The following TUBGCP5 variants were observed in gnomAD, a reference collection of about 807,000 sequenced individuals.
TUBGCP5 encodes the protein tubulin gamma complex component 5.
A neutral mutation model predicts 134.7 loss-of-function variants in TUBGCP5; 98 were observed. That is an observed-to-expected ratio of 0.73 (90% CI 0.62 to 0.86). TUBGCP5 has a LOEUF of 0.86. Ranked by LOEUF, TUBGCP5 falls within the 40% of genes least tolerant of loss-of-function variation. The probability of loss-of-function intolerance (pLI) is 0.00; values close to 1 mark genes in which losing one functional copy is unlikely to be tolerated. For missense variants in TUBGCP5, 1,150 were observed against 1,244.8 expected, an observed-to-expected ratio of 0.92 and a Z score of 1.15; for synonymous variants, 456 against 431.4, an observed-to-expected ratio of 1.06 and a Z score of -0.71.
At chr15:23,035,551 G>T (rs1188422268) in intron 3 of TUBGCP5, among the ~76,000 whole-genome samples, 2 of 152,062 alleles carry the variant, frequency 1.3e-5, no homozygotes, top group African/African-American at 4.8e-5. Context: ...TCACAATGGG[G>T]TTTGCTCTCC....
intron 23 of TUBGCP5, among the ~76,000 whole-genome samples, chr15:22,992,297 A>G (rs936277740): frequency 1.1e-4 from 16 of 152,084 alleles, no homozygotes; most frequent in African/African-American, 3.9e-4. Context: ...AGCAGCAAGA[A>G]CTGACGCAGG....
intron 6 of TUBGCP5, among the ~76,000 whole-genome samples, chr15:23,029,788 G>A (rs2066199058): frequency 6.6e-6 from 1 of 152,052 alleles, no homozygotes; most frequent in Admixed American, 6.5e-5. Flanking sequence ...AACTGAGGCA[G>A]GAGAATTGTT....
Position 23,027,210 on chromosome 15 carries a change from G to C in TUBGCP5, c.719C>G (p.Ser240Cys). Reference protein sequence around the residue: ...SQFPHSLHLHSNLAAVWDQHL... With the variant: ...SQFPHSLHLHCNLAAVWDQHL... The stretch of plus-strand genomic sequence containing the variant: ...TTCTTACCAGACAGCAGCTAAATTA[G>C]AGTGCAAATGTAAACTATGAGGAAA... The change falls in exon 7 of 23, where the codon TCT becomes TGT. Residue 240 changes from serine to cysteine, a missense_variant. Ser to Cys is a moderately radical substitution (Grantham distance 112). This residue lies in a region of TUBGCP5 where 453 missense variants were observed against 394.7 expected (regional missense o/e 1.15). Transcript: ENST00000615383. 6.2e-7 allele frequency: 1 copy of C among 1,613,080 alleles called. No homozygotes were observed. The highest frequency in any genetic ancestry group is 8.5e-7 in the Non-Finnish European group (1 of 1,179,410).
rs919539969 is a variant in TUBGCP5 at position 23,036,754 on chromosome 15, T to C, written c.309+143A>G. On this transcript the variant is annotated intron_variant, in intron 3 of 22. Coordinates refer to ENST00000615383, the MANE Select transcript of TUBGCP5 (RefSeq NM_052903.6). ...TGAGGCATATCTGGTTTGATGGCAA[T>C]ATTTAAGTAAATTTCCAAGAGATCC... 6 of 659,696 alleles carry C rather than the reference T, an allele frequency of 9.1e-6. 1 individual carries two copies. Among genetic ancestry groups the C allele is most frequent in the African/African-American group, 1.8e-5 (1 of 54,758 alleles). 40.9% of individuals were successfully genotyped at this position (659,696 alleles called of 1,614,324 possible).
At chr15:23,005,265 C>G (rs2064634391) in intron 19 of TUBGCP5, among the ~76,000 whole-genome samples, 167 bp downstream of exon 19, 1 of 152,186 alleles carries the variant, frequency 6.6e-6, no homozygotes, top group Admixed American at 6.5e-5. Context: ...GGTATATTTA[C>G]AAAAACATTC....
Position 22,993,525 on chromosome 15 carries a change from GTTTTTTTTTTTT to G in TUBGCP5, c.*61+3308_*61+3319del, listed in dbSNP as rs71414252. Reference sequence around the variant, plus strand: ...TAATCCTCCCACCTCAGCCCCCGAAGTTTTTTTTTTTTTTTTTTTTTTTTTTTTTTTTAATAT... The same window carrying G: ...TAATCCTCCCACCTCAGCCCCCGAAGTTTTTTTTTTTTTTTTTTTTAATAT... On this transcript the variant is annotated intron_variant and NMD_transcript_variant, in intron 23 of 23. Coordinates refer to the TUBGCP5 transcript ENST00000614508. Among the ~76,000 whole-genome samples, 114 of 69,274 alleles carry G rather than the reference GTTTTTTTTTTTT, an allele frequency of 1.6e-3. 1 individual carries two copies. The highest frequency in any genetic ancestry group is 2.0e-3 in the South Asian group (4 of 2,024). The allele number at this position is 69,274 out of a possible 152,430, so 45.4% of individuals were successfully genotyped here.
At chr15:23,039,104 C>T (rs1008887660) in intron 1 of TUBGCP5, among the ~76,000 whole-genome samples, 4 of 152,090 alleles carry the variant, frequency 2.6e-5, no homozygotes, top group African/African-American at 4.8e-5. Flanking sequence ...CCTGGGCCTC[C>T]CAGAGCGCTG....
intron 8 of TUBGCP5, 123 bp downstream of exon 8, chr15:23,025,993 C>T: frequency 1.5e-6 from 1 of 679,390 alleles, no homozygotes; most frequent in Non-Finnish European, 2.5e-6. Flanking sequence ...GTCCGAACTT[C>T]ACACCTAATG....
intron 10 of TUBGCP5, 113 bp downstream of exon 10, chr15:23,023,834 C>A (rs879904272): frequency 8.0e-6 from 8 of 994,870 alleles, no homozygotes; most frequent in Admixed American, 6.7e-5. Context: ...GAAGCATTCA[C>A]GAGAACTACT....
chr15:23,006,494 A>C, intron 16 of TUBGCP5, 142 bp from the exon 17 acceptor site: 2 of 659,654 alleles, frequency 3.0e-6, no homozygotes, highest in Non-Finnish European at 5.1e-6. Context: ...ATTCCAACAA[A>C]TGTATCTCTT....
intron 7 of TUBGCP5, among the ~76,000 whole-genome samples, chr15:23,026,816 T>G (rs2066009444): frequency 1.3e-5 from 2 of 151,766 alleles, no homozygotes; most frequent in Admixed American, 6.6e-5. Context: ...ACCTATAATC[T>G]CAGCTACTTG....
In TUBGCP5 at chr15:23,004,217, C is replaced by T; in HGVS notation, c.2723G>A (p.Ser908Asn). Residue 908 changes from serine to asparagine, a missense_variant, in exon 20 of 23, where the codon AGT (serine) becomes AAT (asparagine). Ser to Asn is a conservative substitution (Grantham distance 46). Transcript: ENST00000615383. ...HNYIMTRILHSTGLEFQHQVE... is the reference protein window; with the variant it reads ...HNYIMTRILHNTGLEFQHQVE... ...TTGATGTTGAAACTCCAGCCCTGTA[C>T]TGTGTAGAATCTTGGAAGAGAAAGA... 1 of 1,611,238 alleles carries T rather than the reference C, an allele frequency of 6.2e-7. No individual in the cohort carries two copies. Among genetic ancestry groups the T allele is most frequent in the South Asian group, 1.1e-5 (1 of 90,156 alleles).
chr15:22,995,255 T>TAAATAA (rs902745123), downstream of TUBGCP5, among the ~76,000 whole-genome samples: 6 of 150,678 alleles, frequency 4.0e-5, no homozygotes, highest in Non-Finnish European at 8.9e-5. Context: ...AATAAATAAA[T>TAAATAA]AAATAAAAAT....
At chr15:22,988,570 A>C (rs1431341768) in intron 23 of TUBGCP5, among the ~76,000 whole-genome samples, 1 of 150,666 alleles carries the variant, frequency 6.6e-6, no homozygotes, top group Non-Finnish European at 1.5e-5. Context: ...CGTCTCTACT[A>C]GAAAATACAA....
In TUBGCP5 at chr15:23,013,933, C is replaced by CT. The variant is rs1336194229; in HGVS notation, c.1757-2603dup. Among the ~76,000 whole-genome samples the CT allele has an allele frequency of 2.0e-5, 3 of 152,188 alleles. No homozygotes were observed. Among genetic ancestry groups the CT allele is most frequent in the African/African-American group, 4.8e-5 (2 of 41,446 alleles). ...CATTCCACCAAGGCCACAGGGATGGCTGAACACCACAACCCCAGCTATGTG... is the reference window on the plus strand; with the variant it reads ...CATTCCACCAAGGCCACAGGGATGGCTTGAACACCACAACCCCAGCTATGTG... On this transcript the variant is annotated intron_variant, in intron 13 of 22. Coordinates refer to ENST00000615383, the MANE Select transcript of TUBGCP5 (RefSeq NM_052903.6). The surrounding 1 kb of genome is among the most constrained non-coding windows in gnomAD (Gnocchi z 4.5).
At chr15:23,010,601 C>T (rs979447657) in intron 14 of TUBGCP5, among the ~76,000 whole-genome samples, 1 of 152,142 alleles carries the variant, frequency 6.6e-6, no homozygotes, top group Non-Finnish European at 1.5e-5. Context: ...GGTGGCAGGG[C>T]CAAGTCTGCA....
At chr15:23,011,474 A>G (rs1033999805) in intron 13 of TUBGCP5, 143 bp from the exon 14 acceptor site, 19 of 249,102 alleles carry the variant, frequency 7.6e-5, no homozygotes, top group African/African-American at 2.1e-4. Flanking sequence ...ATATGTAAAT[A>G]TTAAATATAT....
intron 19 of TUBGCP5, chr15:23,004,539 A>G (rs2064588910): frequency 8.4e-6 from 2 of 237,896 alleles, no homozygotes; most frequent in East Asian, 1.8e-4. Flanking sequence ...AGACACATCG[A>G]TAAAAAAAAA....
At chr15:23,031,521 GCC>G (rs2066312499) in intron 5 of TUBGCP5, among the ~76,000 whole-genome samples, 1 of 152,052 alleles carries the variant, frequency 6.6e-6, no homozygotes, top group Non-Finnish European at 1.5e-5. Context: ...TCACTATGTT[GCC>G]CAGGCTGCTC....
Sources: allele counts gnomAD v4.1 joint callset (sites outside exome capture counted in the v4.1 genomes callset), GRCh38; gene constraint gnomAD v4.1.1; regional missense constraint gnomAD v4.1.1; non-coding constraint Gnocchi (gnomAD v3.1); transcripts MANE v1.5; gene names NCBI Gene and HGNC (gene_info 2026-07-23, HGNC 2026-07-21).